Variants in XYLB observed in about 807,000 individuals in gnomAD.
The protein encoded by XYLB is xylulokinase.
In XYLB, 62 loss-of-function variants were observed where a neutral mutation model predicts 78.7. The ratio of observed to expected loss-of-function variants is 0.79; its 90% CI spans 0.64 to 0.97. XYLB has a LOEUF of 0.97. XYLB is among the 50% of genes least tolerant of loss of function. The pLI is 0.00. For missense variants in XYLB, 687 were observed against 676.8 expected, an observed-to-expected ratio of 1.02 and a Z score of -0.17; for synonymous variants, 245 against 247.4, an observed-to-expected ratio of 0.99 and a Z score of 0.09.
At chr3:38,410,044 A>C (rs1002609164) in intron 18 of XYLB, among the ~76,000 whole-genome samples, 1 of 152,228 alleles carries the variant, frequency 6.6e-6, no homozygotes, top group African/African-American at 2.4e-5. Context: ...TTTAAAGTTC[A>C]TATGGAACCA....
At chr3:38,362,912 T>C (rs1220580492) in intron 3 of XYLB, 25 bp from the exon 4 acceptor site, 2 of 1,537,420 alleles carry the variant, frequency 1.3e-6, no homozygotes, top group Non-Finnish European at 8.8e-7. Flanking sequence ...TGTACAGTCA[T>C]GGTGGGTTCT....
intron 14 of XYLB, among the ~76,000 whole-genome samples, chr3:38,377,356 G>C (rs1466297516): frequency 6.6e-6 from 1 of 152,042 alleles, no homozygotes; most frequent in Non-Finnish European, 1.5e-5. Context: ...AAGAGCTGCT[G>C]AGCCCAGGAG....
chr3:38,382,360 G>A (rs1707188664), intron 15 of XYLB, among the ~76,000 whole-genome samples: 1 of 152,138 alleles, frequency 6.6e-6, no homozygotes, highest in African/African-American at 2.4e-5. Flanking sequence ...TGGAAGTCGG[G>A]ATAATTAGTA....
At chr3:38,393,389 A>G (rs1707749284) in intron 15 of XYLB, among the ~76,000 whole-genome samples, 1 of 152,068 alleles carries the variant, frequency 6.6e-6, no homozygotes, top group African/African-American at 2.4e-5. Context: ...CAAGCAATCT[A>G]CCTGCCTTGG....
chr3:38,451,602 T>TA, the XYLB span: 1 of 152,410 alleles, frequency 6.6e-6, no homozygotes, highest in Admixed American at 6.6e-5. Context: ...GTGAGGGCAA[T>TA]AAGAGCCAAA....
At chr3:38,442,631 C>T in the XYLB span, among the ~76,000 whole-genome samples, 2 of 151,626 alleles carry the variant, frequency 1.3e-5, no homozygotes, top group East Asian at 3.9e-4. Flanking sequence ...GAATTACTGC[C>T]TTATTAATGC....
chr3:38,376,817 C>G, intron 13 of XYLB, 101 bp from the exon 14 acceptor site: 1 of 930,398 alleles, frequency 1.1e-6, no homozygotes, highest in Non-Finnish European at 1.7e-6. Context: ...GCCAGGGGAC[C>G]CAGGGATATG....
intron 17 of XYLB, among the ~76,000 whole-genome samples, chr3:38,397,958 A>G (rs1470717498): frequency 6.6e-6 from 1 of 150,692 alleles, no homozygotes; most frequent in Admixed American, 6.6e-5. Flanking sequence ...AGGTGGGACT[A>G]CAGGTGCCTG....
chr3:38,382,291 A>C (rs1382457617), intron 15 of XYLB, among the ~76,000 whole-genome samples: 2 of 152,164 alleles, frequency 1.3e-5, no homozygotes, highest in African/African-American at 4.8e-5. Flanking sequence ...GGCTGCAGTG[A>C]GCCATGAGAC....
At chr3:38,403,878 T>C (rs73063251) in intron 18 of XYLB, among the ~76,000 whole-genome samples, 10,026 of 152,046 alleles carry the variant, frequency 0.066, 503 homozygotes, top group East Asian at 0.19. Context: ...CCCTTTACCA[T>C]TGGATCCAAA....
chr3:38,414,263 A>G lies in XYLB; in HGVS notation c.*1250A>G, dbSNP rs1412828498. The G allele has an allele frequency of 1.3e-5, 2 of 152,198 alleles. No homozygotes were observed. Among genetic ancestry groups the G allele is most frequent in the African/African-American group, 4.8e-5 (2 of 41,444 alleles). 9.4% of individuals were successfully genotyped at this position (152,198 alleles called of 1,614,324 possible). On this transcript the variant is annotated 3_prime_UTR_variant, in exon 19 of 19. Coordinates refer to ENST00000207870, the MANE Select transcript of XYLB (RefSeq NM_005108.4). ...TAAAAGGAAGGGGCTTAGAAAATGAATGGGACCAAAGGCATCACTTCTGAT... is the reference window on the plus strand; with the variant it reads ...TAAAAGGAAGGGGCTTAGAAAATGAGTGGGACCAAAGGCATCACTTCTGAT...
At chr3:38,417,879 CAAAAA>C (rs534465318), downstream of XYLB, among the ~76,000 whole-genome samples, 4 of 91,530 alleles carry the variant, frequency 4.4e-5, no homozygotes, top group African/African-American at 3.9e-5. Context: ...GACTTCATCT[CAAAAA>C]AAAAAAAAAA....
chr3:38,407,451 G>A (rs1441184992), intron 18 of XYLB, among the ~76,000 whole-genome samples: 8 of 151,636 alleles, frequency 5.3e-5, no homozygotes, highest in Non-Finnish European at 1.2e-4. Context: ...AAAGACCATC[G>A]AGGCTAGGAA....
At position 38,384,881 on chromosome 3, in the gene XYLB, T is replaced by C. The variant is rs372791171; in HGVS notation, c.1291+5539T>C. Among the ~76,000 whole-genome samples the C allele has an allele frequency of 2.0e-5, 3 of 152,364 alleles. No individual in the cohort carries two copies. In the East Asian group the frequency reaches 5.8e-4, roughly 29 times the overall value. Reference sequence around the variant, plus strand: ...CTATGTGTTATTCTGAGACTTGCTTTCCATAACAGTATGTACAGGTCTACC... The same window carrying C: ...CTATGTGTTATTCTGAGACTTGCTTCCCATAACAGTATGTACAGGTCTACC... On this transcript the variant is annotated intron_variant, in intron 15 of 18. Coordinates refer to ENST00000207870, the MANE Select transcript of XYLB (RefSeq NM_005108.4).
chr3:38,391,000 G>A (rs559369994), intron 15 of XYLB, among the ~76,000 whole-genome samples: 54 of 152,184 alleles, frequency 3.5e-4, no homozygotes, highest in Non-Finnish European at 5.3e-4. Context: ...CAGGCGGATC[G>A]CTTGAGGTCA....
At chr3:38,353,590 C>T (rs901485660) in intron 2 of XYLB, among the ~76,000 whole-genome samples, 5 of 152,042 alleles carry the variant, frequency 3.3e-5, no homozygotes, top group Admixed American at 6.6e-5. Context: ...AGATTACAGG[C>T]GTGAACCACC....
At chr3:38,374,628 C>T in intron 11 of XYLB, 126 bp downstream of exon 11, 4 of 1,164,958 alleles carry the variant, frequency 3.4e-6, no homozygotes, top group Non-Finnish European at 5.0e-6. Context: ...CCAGCAGGAT[C>T]TCTGCTACTT....
Position 38,413,424 on chromosome 3 carries a change from G to A in XYLB, c.*411G>A, listed in dbSNP as rs1708679428. ...TCATCCTATCTCTTTCTCCAACCCT[G>A]ACTGCCCACTCCTCCACAAACCGTG... On this transcript the variant is annotated 3_prime_UTR_variant, in exon 19 of 19. Coordinates refer to ENST00000207870, the MANE Select transcript of XYLB (RefSeq NM_005108.4). 6.2e-6 allele frequency: 1 copy of A among 161,660 alleles called. No homozygotes were observed. 10.0% of individuals were successfully genotyped at this position (161,660 alleles called of 1,614,324 possible).
chr3:38,442,671 C>G, the XYLB span, among the ~76,000 whole-genome samples: 1 of 149,552 alleles, frequency 6.7e-6, no homozygotes, highest in South Asian at 2.1e-4. Flanking sequence ...TCTCCACTGA[C>G]TGTTCTGTTT....
Sources: allele counts gnomAD v4.1 joint callset (sites outside exome capture counted in the v4.1 genomes callset), GRCh38; gene constraint gnomAD v4.1.1; transcripts MANE v1.5; gene names NCBI Gene and HGNC (gene_info 2026-07-23, HGNC 2026-07-21).